Variants in PLPPR4 observed in about 807,000 individuals in gnomAD.
PLPPR4 encodes the protein phospholipid phosphatase related 4.
A neutral mutation model predicts 56.6 loss-of-function variants in PLPPR4; 24 were observed. The observed-to-expected ratio is 0.42, with a 90% CI of 0.31 to 0.60. PLPPR4 has a LOEUF of 0.60. Ranked by LOEUF, PLPPR4 falls within the 20% of genes least tolerant of loss-of-function variation. The probability of loss-of-function intolerance (pLI) is 0.13; values close to 1 mark genes in which losing one functional copy is unlikely to be tolerated. For missense variants in PLPPR4, 654 were observed against 885.8 expected, an observed-to-expected ratio of 0.74 and a Z score of 3.32; for synonymous variants, 326 against 328.1, an observed-to-expected ratio of 0.99 and a Z score of 0.07.
intron 1 of PLPPR4, among the ~76,000 whole-genome samples, chr1:99,282,139 A>G (rs916948719): frequency 4.1e-4 from 62 of 152,162 alleles, no homozygotes; most frequent in Non-Finnish European, 3.1e-4. Flanking sequence ...AATATTTTCA[A>G]AACAGAATCT....
chr1:99,285,902 G>A (rs949090875), intron 1 of PLPPR4, among the ~76,000 whole-genome samples: 1 of 152,176 alleles, frequency 6.6e-6, no homozygotes, highest in Non-Finnish European at 1.5e-5. Flanking sequence ...ACTAGGTTAA[G>A]CATGTGTGAT....
chr1:99,301,421 G>A (rs570887735), intron 5 of PLPPR4, among the ~76,000 whole-genome samples: 109 of 152,084 alleles, frequency 7.2e-4, no homozygotes, highest in African/African-American at 2.6e-3. Flanking sequence ...ACAATAGTCC[G>A]TGAAGTCTTT....
chr1:99,303,553 A>C (rs1423492334), intron 6 of PLPPR4, among the ~76,000 whole-genome samples: 1 of 152,202 alleles, frequency 6.6e-6, no homozygotes, highest in Non-Finnish European at 1.5e-5. Flanking sequence ...AGGAAAAGGC[A>C]ATAATGAAAG....
At position 99,305,940 on chromosome 1, in the gene PLPPR4, G is replaced by C; in HGVS notation, c.1078G>C (p.Glu360Gln). Reference protein sequence around the residue: ...IITPRSPMGKENMVTFSNTLP... With the variant: ...IITPRSPMGKQNMVTFSNTLP... ...TACTCCACGGAGCCCCATGGGGAAG[G>C]AGAACATGGTTACCTTCAGCAATAC... Residue 360 changes from glutamate to glutamine, a missense_variant, in exon 7 of 7, where the codon GAG becomes CAG. By Grantham distance (29) the Glu-to-Gln change is conservative. Around this residue, in one of 2 missense-constraint regions of PLPPR4, gnomAD observed 468 missense variants for 554.3 expected, o/e 0.84. Transcript: ENST00000370185. 1 of 1,614,096 alleles carries C rather than the reference G, an allele frequency of 6.2e-7. No homozygotes were observed. The highest frequency in any genetic ancestry group is 8.5e-7 in the Non-Finnish European group (1 of 1,179,988).
At chr1:99,288,693 T>G (rs1247866320) in intron 2 of PLPPR4, among the ~76,000 whole-genome samples, 1 of 152,134 alleles carries the variant, frequency 6.6e-6, no homozygotes, top group Non-Finnish European at 1.5e-5. Context: ...AATAATAAAC[T>G]GTTTTATATT....
Position 99,305,825 on chromosome 1 carries a change from T to G in PLPPR4, c.963T>G (p.Ile321Met). The change falls in exon 7 of 7, where the codon ATT becomes ATG. Residue 321 changes from isoleucine to methionine, a missense_variant. Ile to Met is a conservative substitution (Grantham distance 10). Coordinates refer to ENST00000370185, the MANE Select transcript of PLPPR4 (RefSeq NM_014839.5). ...SAKNGSSSDG[I>M]AHTEGILNRN... ...AAAATGGTAGCAGCAGTGATGGAAT[T>G]GCTCATACAGAAGGCATCCTCAACC... 6.2e-7 allele frequency: 1 copy of G among 1,614,100 alleles called. No homozygotes were observed. The highest frequency in any genetic ancestry group is 8.5e-7 in the Non-Finnish European group (1 of 1,180,008).
At chr1:99,304,963 A>AAGAT (rs918624862) in intron 6 of PLPPR4, among the ~76,000 whole-genome samples, 1 of 152,214 alleles carries the variant, frequency 6.6e-6, no homozygotes. Flanking sequence ...CAAACAAAAA[A>AAGAT]AGATACACTG....
Position 99,288,164 on chromosome 1 carries a change from C to A in PLPPR4, c.264+14C>A. ...CCTGCAATTACGGTAAGAATTACCCCCAAAATTGTGTTTATCTGTCCTGGA... is the reference window on the plus strand; with the variant it reads ...CCTGCAATTACGGTAAGAATTACCCACAAAATTGTGTTTATCTGTCCTGGA... On this transcript the variant is annotated intron_variant, in intron 2 of 6. Coordinates refer to ENST00000370185, the MANE Select transcript of PLPPR4 (RefSeq NM_014839.5). 2 of 1,610,332 alleles carry A rather than the reference C, an allele frequency of 1.2e-6. No homozygotes were observed. The highest frequency in any genetic ancestry group is 1.1e-5 in the South Asian group (1 of 90,506).
At chr1:99,271,199 T>C (rs1454163009) in intron 1 of PLPPR4, among the ~76,000 whole-genome samples, 5 of 152,252 alleles carry the variant, frequency 3.3e-5, no homozygotes, top group African/African-American at 7.2e-5. Flanking sequence ...AAGTCTTCTT[T>C]ATATGGCAGA....
At chr1:99,265,798 A>G (rs2100779718) in intron 1 of PLPPR4, among the ~76,000 whole-genome samples, 1 of 152,326 alleles carries the variant, frequency 6.6e-6, no homozygotes, top group South Asian at 2.1e-4. Context: ...CACTGCCTTG[A>G]AACTTGGGAG....
In PLPPR4 at chr1:99,307,081, G is replaced by T; in HGVS notation, c.*71G>T. On this transcript the variant is annotated 3_prime_UTR_variant, in exon 7 of 7. Transcript: ENST00000370185. ...TTGATTCTACCTGTGTTCTGTTCCA[G>T]CGAATTGGGAAGTCTCACCAAGCTA... 2 of 1,507,856 alleles carry T rather than the reference G, an allele frequency of 1.3e-6. No homozygotes were observed. Among genetic ancestry groups the T allele is most frequent in the South Asian group, 1.3e-5 (1 of 75,968 alleles). The allele number at this position is 1,507,856 out of a possible 1,614,324, so 93.4% of individuals were successfully genotyped here. A position where few individuals can be genotyped will look rare whatever the true frequency, so the allele number is the denominator to read the frequency against.
At chr1:99,290,946 A>G (rs961169942) in intron 2 of PLPPR4, among the ~76,000 whole-genome samples, 1 of 152,206 alleles carries the variant, frequency 6.6e-6, no homozygotes, top group Non-Finnish European at 1.5e-5. Flanking sequence ...GAAAAATGGG[A>G]TCCAATTAAA....
chr1:99,270,747 G>A (rs1659036465), intron 1 of PLPPR4, among the ~76,000 whole-genome samples: 1 of 152,106 alleles, frequency 6.6e-6, no homozygotes, highest in Admixed American at 6.5e-5. Context: ...TCACATTTCT[G>A]CATTGCATAT....
intron 2 of PLPPR4, among the ~76,000 whole-genome samples, chr1:99,290,995 A>G (rs537181487): frequency 1.3e-5 from 2 of 152,250 alleles, no homozygotes; most frequent in South Asian, 4.1e-4. Flanking sequence ...CTTCCAACAG[A>G]GTAAAAAGAC....
chr1:99,288,187 G>C (rs1659520367), intron 2 of PLPPR4, 37 bp downstream of exon 2: 3 of 1,578,582 alleles, frequency 1.9e-6, no homozygotes, highest in Non-Finnish European at 2.6e-6. Flanking sequence ...TATCTGTCCT[G>C]GAAAACTAAA....
At chr1:99,271,207 A>T (rs1382824644) in intron 1 of PLPPR4, among the ~76,000 whole-genome samples, 1 of 152,234 alleles carries the variant, frequency 6.6e-6, no homozygotes, top group African/African-American at 2.4e-5. Flanking sequence ...TTTATATGGC[A>T]GACTCTCTAG....
At chr1:99,286,162 G>A (rs1259590537) in intron 1 of PLPPR4, among the ~76,000 whole-genome samples, 2 of 152,190 alleles carry the variant, frequency 1.3e-5, no homozygotes, top group Admixed American at 6.6e-5. Context: ...AACTTTTAGT[G>A]TGAGTATCTC....
At chr1:99,280,631 G>A (rs1659299908) in intron 1 of PLPPR4, among the ~76,000 whole-genome samples, 1 of 152,160 alleles carries the variant, frequency 6.6e-6, no homozygotes, top group Admixed American at 6.5e-5. Context: ...TATATATGAA[G>A]TATGTGAGAC....
chr1:99,289,332 A>G (rs1261485209), intron 2 of PLPPR4, among the ~76,000 whole-genome samples: 2 of 152,124 alleles, frequency 1.3e-5, no homozygotes, highest in South Asian at 2.1e-4. Flanking sequence ...TTATGTAGCT[A>G]TGGATTTTTT....
Sources: gnomAD v4.1 joint callset for allele counts (sites outside exome capture counted in the v4.1 genomes callset) on GRCh38, gnomAD v4.1.1 for gene constraint, gnomAD v4.1.1 regional missense constraint, MANE v1.5 for transcripts, NCBI Gene and HGNC (gene_info 2026-07-23, HGNC 2026-07-21) for gene names.